Variants in SVEP1 observed in about 807,000 individuals in gnomAD.
The protein encoded by SVEP1 is sushi, von Willebrand factor type A, EGF and pentraxin domain containing 1.
SVEP1 carries 164 observed loss-of-function variants against 367.3 expected under a neutral mutation model. That is an observed-to-expected ratio of 0.45 (90% CI 0.39 to 0.51). SVEP1 has a LOEUF of 0.51. Ranked by LOEUF, SVEP1 falls within the 20% of genes least tolerant of loss-of-function variation. SVEP1 has a pLI of 0.00. For synonymous variants in SVEP1, 1,666 were observed against 1,611.6 expected, an observed-to-expected ratio of 1.03 and a Z score of -0.81; for missense variants, 4,117 against 4,425.3, an observed-to-expected ratio of 0.93 and a Z score of 1.98.
intron 8 of SVEP1, among the ~76,000 whole-genome samples, chr9:110,492,322 T>C (rs1829377860): frequency 6.6e-6 from 1 of 152,096 alleles, no homozygotes; most frequent in Non-Finnish European, 1.5e-5. Context: ...AAAAAAACTA[T>C]ATTAATTAAT....
intron 36 of SVEP1, among the ~76,000 whole-genome samples, chr9:110,423,109 T>A (rs1381283865): frequency 1.6e-5 from 2 of 125,106 alleles, no homozygotes; most frequent in Non-Finnish European, 3.3e-5. Context: ...ACCCTAAAAC[T>A]TAGAGTATAA....
At chr9:110,522,261 T>A (rs1829884968) in intron 3 of SVEP1, among the ~76,000 whole-genome samples, 2 of 152,110 alleles carry the variant, frequency 1.3e-5, no homozygotes, top group Admixed American at 1.3e-4. Flanking sequence ...TTGATTTGTG[T>A]GAAGAATTTG....
intron 24 of SVEP1, among the ~76,000 whole-genome samples, chr9:110,447,267 A>G (rs777648757): frequency 4.6e-5 from 7 of 152,256 alleles, no homozygotes; most frequent in Non-Finnish European, 8.8e-5. Context: ...TAGCAAAAAT[A>G]AAGTAGAAAG....
chr9:110,530,624 C>T (rs1232321902), intron 3 of SVEP1, among the ~76,000 whole-genome samples: 4 of 152,096 alleles, frequency 2.6e-5, no homozygotes, highest in Admixed American at 1.3e-4. Flanking sequence ...ACAACCTCCA[C>T]CTCCTGGGTT....
rs150545784 is a variant in SVEP1, at chr9:110,489,767, C to A, written c.1813G>T (p.Val605Phe). 7.7e-4 allele frequency: 1,244 copies of A among 1,612,574 alleles called. 9 individuals carry two copies. The East Asian group carries it at 0.019, about 25-fold the overall frequency. Residue 605 changes from valine (V) to phenylalanine (F), a missense_variant, in exon 9 of 48, where the codon GTT becomes TTT. Transcript: ENST00000374469. ...DNSGEKVSVH[V>F]HPAFTPPYLF... ...TAAGGTGGGGTGAAAGCTGGATGAA[C>A]GTGGACTGACACCTATTGGAGATAC...
intron 46 of SVEP1, among the ~76,000 whole-genome samples, chr9:110,374,284 C>T (rs1827318063): frequency 6.6e-6 from 1 of 152,140 alleles, no homozygotes; most frequent in Non-Finnish European, 1.5e-5. Flanking sequence ...GGATGATGGC[C>T]TCCAGCTCCA....
Position 110,441,548 on chromosome 9 carries a change from G to A in SVEP1, c.4639+1997C>T, listed in dbSNP as rs199636359. ...ATGTTGCCTTACTGGCTGGATTGGC[G>A]CTTGGCAAATGCTCAGTGTGTGGAT... On this transcript the variant is annotated intron_variant, in intron 27 of 47. Transcript: ENST00000374469. Among the ~76,000 whole-genome samples, 115 of 152,310 alleles carry A rather than the reference G, an allele frequency of 7.6e-4. 1 individual carries two copies. The highest frequency in any genetic ancestry group is 4.0e-3 in the East Asian group (21 of 5,188).
intron 24 of SVEP1, 72 bp downstream of exon 24, chr9:110,449,975 AAAGCAATACTCC>A: frequency 6.8e-7 from 1 of 1,471,078 alleles, no homozygotes; most frequent in Non-Finnish European, 9.3e-7. Flanking sequence ...CTTGAGACTC[AAAGCAATACTCC>A]ATAAAGGCTG....
chr9:110,411,758 A>G, intron 36 of SVEP1, 23 bp from the exon 37 acceptor site: 1 of 1,474,592 alleles, frequency 6.8e-7, no homozygotes, highest in East Asian at 2.5e-5. Flanking sequence ...GAAGAAAGAA[A>G]GAATAACTAA....
intron 8 of SVEP1, among the ~76,000 whole-genome samples, chr9:110,495,787 C>T (rs1829436701): frequency 6.6e-6 from 1 of 152,072 alleles, no homozygotes; most frequent in Non-Finnish European, 1.5e-5. Flanking sequence ...TGGATTATTT[C>T]AAGCTACTAT....
chr9:110,535,110 G>A (rs1449092271), intron 3 of SVEP1, among the ~76,000 whole-genome samples: 1 of 152,036 alleles, frequency 6.6e-6, no homozygotes, highest in Non-Finnish European at 1.5e-5. Context: ...TGTCCAGAAT[G>A]GTATTGTCTA....
At chr9:110,528,190 C>T (rs1341608695) in intron 3 of SVEP1, among the ~76,000 whole-genome samples, 1 of 32,232 alleles carries the variant, frequency 3.1e-5, no homozygotes, top group African/African-American at 1.3e-4. Flanking sequence ...ATATATATGC[C>T]ACATTTTCTT....
rs1384938343 is a variant in SVEP1, at chr9:110,458,509, G to A, written c.3538C>T (p.Leu1180Phe). 1 of 1,613,080 alleles carries A rather than the reference G, an allele frequency of 6.2e-7. No individual in the cohort carries two copies. Among genetic ancestry groups the A allele is most frequent in the East Asian group, 2.2e-5 (1 of 44,862 alleles). The change falls in exon 20 of 48, where the codon CTT (leucine) becomes TTT (phenylalanine). Residue 1180 changes from leucine (L) to phenylalanine (F), a missense_variant. By Grantham distance (22) the Leu-to-Phe change is conservative. Around this residue, in one of 4 missense-constraint regions of SVEP1, gnomAD observed 2,174 missense variants for 2,494.3 expected, o/e 0.87. Transcript: ENST00000374469. Reference sequence around the variant, plus strand: ...TCATGCCTCTTTTTAATATGTCCAAGAGAGGCAGGGGGCACCACACTTTCC... The same window carrying A: ...TCATGCCTCTTTTTAATATGTCCAAAAGAGGCAGGGGGCACCACACTTTCC... ...AEESVVPPAS[L>F]GHIKKRHEIS... is the part of the protein sequence containing the mutation.
chr9:110,577,792 T>C (rs906871997), intron 1 of SVEP1, among the ~76,000 whole-genome samples: 7 of 151,850 alleles, frequency 4.6e-5, no homozygotes, highest in African/African-American at 1.7e-4. Flanking sequence ...AGCACTATAA[T>C]GGCAAAATGG....
chr9:110,415,288 T>C (rs754514682), intron 36 of SVEP1, among the ~76,000 whole-genome samples: 1 of 151,878 alleles, frequency 6.6e-6, no homozygotes, highest in Non-Finnish European at 1.5e-5. Context: ...GAAAGGCCAA[T>C]GAAAAGCACA....
At chr9:110,369,359 A>G (rs12237709) in intron 47 of SVEP1, among the ~76,000 whole-genome samples, 32,261 of 152,178 alleles carry the variant, frequency 0.21, 3,963 homozygotes, top group Middle Eastern at 0.35. Flanking sequence ...TTTTGTAGTC[A>G]ATGAAATGCT....
At chr9:110,575,877 A>G (rs749950938) in intron 1 of SVEP1, among the ~76,000 whole-genome samples, 1 of 152,158 alleles carries the variant, frequency 6.6e-6, no homozygotes, top group Non-Finnish European at 1.5e-5. Context: ...GGACAATAAC[A>G]TGTTTTTAAA....
intron 44 of SVEP1, among the ~76,000 whole-genome samples, chr9:110,378,074 T>A (rs1320742544): frequency 6.6e-6 from 1 of 152,156 alleles, no homozygotes; most frequent in Non-Finnish European, 1.5e-5. Flanking sequence ...GAATAATATT[T>A]CATTGTATCT....
intron 29 of SVEP1, 83 bp from the exon 30 acceptor site, chr9:110,434,589 G>T: frequency 8.2e-7 from 1 of 1,213,042 alleles, no homozygotes; most frequent in Non-Finnish European, 1.1e-6. Flanking sequence ...ACTGTATTCT[G>T]TATCAGCATT....
Sources: gnomAD v4.1 joint callset for allele counts (sites outside exome capture counted in the v4.1 genomes callset) on GRCh38, gnomAD v4.1.1 for gene constraint, gnomAD v4.1.1 regional missense constraint, MANE v1.5 for transcripts, NCBI Gene and HGNC (gene_info 2026-07-23, HGNC 2026-07-21) for gene names.